Variants in MED12 observed in about 807,000 individuals in gnomAD.
The protein encoded by MED12 is mediator complex subunit 12.
A neutral mutation model predicts 177.7 loss-of-function variants in MED12; 10 were observed. The observed-to-expected ratio is 0.06, with a 90% CI of 0.03 to 0.10. The LOEUF is 0.10. Among genes scored for constraint, MED12 ranks in the 10% least tolerant of loss-of-function variants. The pLI, the probability that MED12 is intolerant of heterozygous loss-of-function variation, is 1.00. For missense variants in MED12, 867 were observed against 1,780.8 expected (o/e 0.49, Z 9.23); for synonymous variants, 641 against 678.4 (o/e 0.94, Z 0.86).
chrX:71,126,609 C>A, intron 19 of MED12, 125 bp downstream of exon 19: 1 of 863,690 alleles, frequency 1.2e-6, no homozygotes, highest in Non-Finnish European at 1.7e-6. Flanking sequence ...GGCAGAAAGA[C>A]TAGCATGGGG....
intron 12 of MED12, 58 bp from the exon 13 acceptor site, chrX:71,124,101 C>A (rs2092296709): frequency 1.0e-6 from 1 of 1,004,136 alleles, no homozygotes; most frequent in Admixed American, 2.2e-5. Flanking sequence ...GTCCCTCTCT[C>A]TTTTGGCCCA....
At position 71,120,996 on chromosome X, in the gene MED12, C is replaced by T. The variant is rs1373255388; in HGVS notation, c.579C>T (p.Tyr193=). The T allele has an allele frequency of 8.3e-7, 1 of 1,209,651 alleles. No homozygotes were observed. Among genetic ancestry groups the T allele is most frequent in the Non-Finnish European group, 1.1e-6 (1 of 894,987 alleles). ...FMEWTQIITK[Y]LWEQLQKMAE... ...AATGGACTCAGATCATCACCAAGTACTTATGGGAGCAGTTACAGAAGATGG... is the reference window on the plus strand; with the variant it reads ...AATGGACTCAGATCATCACCAAGTATTTATGGGAGCAGTTACAGAAGATGG... The change falls in exon 5 of 45, where the codon TAC becomes TAT. Residue 193 remains tyrosine (Y), a synonymous_variant. Transcript: ENST00000374080.
intron 33 of MED12, 121 bp from the exon 34 acceptor site, chrX:71,134,230 CAAAAAA>C (rs35646519): frequency 1.7e-5 from 5 of 301,362 alleles, no homozygotes; most frequent in African/African-American, 1.1e-4. Flanking sequence ...GACTCCGTCT[CAAAAAA>C]AAAAAAAAAA....
At chrX:71,124,460 AAG>A in intron 13 of MED12, 72 bp downstream of exon 13, 3 of 879,890 alleles carry the variant, frequency 3.4e-6, no homozygotes, top group Non-Finnish European at 4.9e-6. Context: ...AGGGGCCTCT[AAG>A]AGCCTCTTTT....
At chrX:71,138,535 C>A (rs1352350290) in intron 41 of MED12, among the ~76,000 whole-genome samples, 1 of 109,184 alleles carries the variant, frequency 9.2e-6, no homozygotes, top group African/African-American at 3.3e-5. Context: ...GCCATGTTGC[C>A]CAGGCTGGTC....
At chrX:71,119,121 ACGGCTGCT>A (rs1459084679) in intron 1 of MED12, among the ~76,000 whole-genome samples, 1 of 110,348 alleles carries the variant, frequency 9.1e-6, no homozygotes, top group Non-Finnish European at 1.9e-5. Context: ...TTGGTGGGGT[ACGGCTGCT>A]CGGCTGTTCG....
intron 37 of MED12, 91 bp from the exon 38 acceptor site, chrX:71,136,788 G>A (rs2092333702): frequency 2.5e-6 from 3 of 1,188,409 alleles, no homozygotes; most frequent in African/African-American, 1.8e-5. Flanking sequence ...AACCATATAC[G>A]AATTCAGCTC....
intron 22 of MED12, 49 bp from the exon 23 acceptor site, chrX:71,128,247 G>A (rs2147801501): frequency 2.5e-6 from 3 of 1,210,282 alleles, no homozygotes; most frequent in Non-Finnish European, 3.4e-6. Context: ...ATGGGTCTGA[G>A]GTTTTGTGGA....
rs778856985 is a variant in MED12 at position 71,118,744 on chromosome X, G to A, written c.-11G>A. ...CCCTGCTGGTGCCTCCGGCGCTACG[G>A]GCTGGGCAAGATGGCGGCCTTCGGG... is the stretch of plus-strand genomic sequence containing the variant. On this transcript the variant is annotated 5_prime_UTR_variant, in exon 1 of 45. Transcript: ENST00000374080. 5.0e-6 allele frequency: 6 copies of A among 1,202,563 alleles called. No homozygotes were observed. Among genetic ancestry groups the A allele is most frequent in the South Asian group, 1.8e-5 (1 of 55,828 alleles).
intron 24 of MED12, 159 bp from the exon 25 acceptor site, chrX:71,128,955 C>T: frequency 1.8e-6 from 1 of 563,324 alleles, no homozygotes; most frequent in Admixed American, 2.7e-5. Flanking sequence ...CTCTGCTCTA[C>T]CTCGCTTTCA....
Position 71,135,074 on chromosome X carries a change from A to G in MED12, c.4864-18A>G. The G allele has an allele frequency of 8.3e-7, 1 of 1,210,829 alleles. No homozygotes were observed. Among genetic ancestry groups the G allele is most frequent in the African/African-American group, 1.7e-5 (1 of 57,590 alleles). On this transcript the variant is annotated intron_variant, in intron 35 of 44. Transcript: ENST00000374080. ...TTCTGTATCTCTGAACTCTTGTCCC[A>G]TCTTCCTGTGCCTGCAGAAGGAGTT...
chrX:71,127,231 C>G, intron 20 of MED12, 99 bp downstream of exon 20: 1 of 1,157,263 alleles, frequency 8.6e-7, no homozygotes. Context: ...GGGGAAGCAC[C>G]TGCTGCTCAG....
chrX:71,120,691 A>G (rs992929532), intron 4 of MED12, among the ~76,000 whole-genome samples: 1 of 109,725 alleles, frequency 9.1e-6, no homozygotes, highest in African/African-American at 3.3e-5. Flanking sequence ...GCTTACTGCA[A>G]CCTCCACCTC....
intron 28 of MED12, among the ~76,000 whole-genome samples, chrX:71,130,983 T>A (rs2092315377): frequency 8.9e-6 from 1 of 112,287 alleles, no homozygotes; most frequent in Admixed American, 9.4e-5. Context: ...GAAGCAGGCT[T>A]CAACTTTAAC....
At chrX:71,121,898 T>C in intron 7 of MED12, 82 bp downstream of exon 7, 8 of 1,174,088 alleles carry the variant, frequency 6.8e-6, no homozygotes, top group Non-Finnish European at 9.3e-6. Context: ...TAGGGGTAAT[T>C]CCAAATTGGA....
chrX:71,137,849 C>G lies in MED12; in HGVS notation c.5950C>G (p.Leu1984Val). 1 of 1,211,739 alleles carries G rather than the reference C, an allele frequency of 8.3e-7. No individual in the cohort carries two copies. Among genetic ancestry groups the G allele is most frequent in the Non-Finnish European group, 1.1e-6 (1 of 895,474 alleles). Residue 1984 changes from leucine to valine, a missense_variant, in exon 41 of 45, where the codon CTT becomes GTT. Around this residue, in one of 14 missense-constraint regions of MED12, gnomAD observed 236 missense variants for 345.2 expected, o/e 0.68. Coordinates refer to ENST00000374080, the MANE Select transcript of MED12 (RefSeq NM_005120.3). The stretch of plus-strand genomic sequence containing the variant: ...CACCCACCCTTCTACCAATCCTACT[C>G]TTGTAGATCCTACCCGCCACCTGCA... ...QSTHPSTNPTLVDPTRHLQQR... is the reference protein window; with the variant it reads ...QSTHPSTNPTVVDPTRHLQQR...
At chrX:71,141,759 G>A (rs916329227) in intron 43 of MED12, 124 bp from the exon 44 acceptor site, 38 of 620,083 alleles carry the variant, frequency 6.1e-5, no homozygotes, top group Non-Finnish European at 9.5e-5. Context: ...CCAAGATCAT[G>A]CCACTGCACT....
intron 32 of MED12, 58 bp downstream of exon 32, chrX:71,133,014 G>C (rs2092322638): frequency 9.5e-7 from 1 of 1,055,382 alleles, no homozygotes; most frequent in African/African-American, 1.9e-5. Flanking sequence ...GCACCTAAGG[G>C]GTTACTCTGT....
At chrX:71,140,424 T>G (rs2092343999) in intron 41 of MED12, among the ~76,000 whole-genome samples, 1 of 110,860 alleles carries the variant, frequency 9.0e-6, no homozygotes, top group Non-Finnish European at 1.9e-5. Flanking sequence ...AATGCAGAAT[T>G]GAAAAATTCC....
Sources: allele counts gnomAD v4.1 joint callset (sites outside exome capture counted in the v4.1 genomes callset), GRCh38; gene constraint gnomAD v4.1.1; regional missense constraint gnomAD v4.1.1; transcripts MANE v1.5; gene names NCBI Gene and HGNC (gene_info 2026-07-23, HGNC 2026-07-21).